Variants in GSTO2 observed in about 807,000 individuals in gnomAD.
GSTO2 encodes glutathione S-transferase omega-2.
In GSTO2, 23 loss-of-function variants were observed where a neutral mutation model predicts 28.4. That is an observed-to-expected ratio of 0.81 (90% CI 0.58 to 1.15). The LOEUF is 1.15. Among genes scored for constraint, GSTO2 ranks in the 50% most tolerant of loss-of-function variants. The probability of loss-of-function intolerance (pLI) is 0.00; values close to 1 mark genes in which losing one functional copy is unlikely to be tolerated. For synonymous variants in GSTO2, 109 were observed against 111.0 expected, an observed-to-expected ratio of 0.98 and a Z score of 0.11; for missense variants, 298 against 297.8, an observed-to-expected ratio of 1.00 and a Z score of 0.00.
intron 5 of GSTO2, chr10:104,295,364 C>G (rs1417594425): frequency 6.6e-6 from 1 of 152,194 alleles, no homozygotes; most frequent in South Asian, 2.1e-4. Context: ...GGGGACTTCT[C>G]TATGCCACAC....
Position 104,277,890 on chromosome 10 carries a change from T to G in GSTO2, c.144-4T>G. On this transcript the variant is annotated splice_region_variant and splice_polypyrimidine_tract_variant and intron_variant, in intron 3 of 6. Coordinates refer to ENST00000338595, the MANE Select transcript of GSTO2 (RefSeq NM_183239.2). The stretch of plus-strand genomic sequence containing the variant: ...TCTGTCTTGTTTTCCTTTTGCTTTT[T>G]AAGACATGAAGTGGTCAACATTAAC... The G allele has an allele frequency of 1.2e-6, 2 of 1,606,514 alleles. No individual in the cohort carries two copies. Among genetic ancestry groups the G allele is most frequent in the Non-Finnish European group, 1.7e-6 (2 of 1,173,410 alleles).
At chr10:104,290,440 G>C (rs1453173342) in intron 5 of GSTO2, among the ~76,000 whole-genome samples, 3 of 151,966 alleles carry the variant, frequency 2.0e-5, no homozygotes, top group Non-Finnish European at 4.4e-5. Context: ...GGGAGGCAGA[G>C]GTTGCAGTGA....
chr10:104,281,985 TG>T (rs2012079031), intron 5 of GSTO2, among the ~76,000 whole-genome samples: 1 of 151,020 alleles, frequency 6.6e-6, no homozygotes, highest in Admixed American at 6.6e-5. Context: ...TGGTAAGAGG[TG>T]AATGTGGAGG....
Position 104,302,542 on chromosome 10 carries a change from A to G in GSTO2, c.*3258A>G, listed in dbSNP as rs1473777761. Reference sequence around the variant, plus strand: ...GCTTGTGTGGCTGGGACAGCTGGCTATGGTCGTGGTGCTGGTGACTAAATG... The same window carrying G: ...GCTTGTGTGGCTGGGACAGCTGGCTGTGGTCGTGGTGCTGGTGACTAAATG... On this transcript the variant is annotated 3_prime_UTR_variant, in exon 7 of 7. Transcript: ENST00000338595. 1.3e-5 allele frequency: 2 copies of G among 152,366 alleles called. No homozygotes were observed. The highest frequency in any genetic ancestry group is 3.9e-4 in the East Asian group (2 of 5,184). 9.4% of individuals were successfully genotyped at this position (152,366 alleles called of 1,614,324 possible).
At position 104,274,953 on chromosome 10, in the gene GSTO2, A is replaced by G. The variant is rs751366273; in HGVS notation, c.34+4A>G. The G allele has an allele frequency of 6.3e-6, 10 of 1,595,442 alleles. No homozygotes were observed. Among genetic ancestry groups the G allele is most frequent in the Non-Finnish European group, 7.7e-6 (9 of 1,174,526 alleles). ...GCGACCAGGACCCTGGGGAAAGGTG[A>G]GTGCTCTCCATGGGGTCCGCGAGCT... On this transcript the variant is annotated splice_donor_region_variant and intron_variant, in intron 2 of 6. Coordinates refer to ENST00000338595, the MANE Select transcript of GSTO2 (RefSeq NM_183239.2).
chr10:104,299,484 CT>C lies in GSTO2; in HGVS notation c.*211del, dbSNP rs960007905. 0.062 allele frequency: 26,951 copies of C among 433,642 alleles called. 12 individuals carry two copies. Among genetic ancestry groups the C allele is most frequent in the South Asian group, 0.096 (2,632 of 27,276 alleles). 26.9% of individuals were successfully genotyped at this position (433,642 alleles called of 1,614,324 possible). A position where few individuals can be genotyped will look rare whatever the true frequency, so the allele number is the denominator to read the frequency against. On this transcript the variant is annotated 3_prime_UTR_variant, in exon 7 of 7. Transcript: ENST00000338595. Reference sequence around the variant, plus strand: ...CTGCTGCTACTGCTGCTTTTTTTTCCTTTTTTTTTTTGAGGCAAGATCTTGC... The same window carrying C: ...CTGCTGCTACTGCTGCTTTTTTTTCCTTTTTTTTTTGAGGCAAGATCTTGC...
Position 104,299,323 on chromosome 10 carries a change from G to C in GSTO2, c.*39G>C. 4 of 1,610,420 alleles carry C rather than the reference G, an allele frequency of 2.5e-6. No individual in the cohort carries two copies. Among genetic ancestry groups the C allele is most frequent in the Non-Finnish European group, 3.4e-6 (4 of 1,178,034 alleles). On this transcript the variant is annotated 3_prime_UTR_variant, in exon 7 of 7. Coordinates refer to ENST00000338595, the MANE Select transcript of GSTO2 (RefSeq NM_183239.2). The stretch of plus-strand genomic sequence containing the variant: ...CCCCTTCGCTGTCCAGAATTCCCCA[G>C]CTTGTTGGGAGTCTACGTCACGGCT...
In GSTO2 at chr10:104,282,332, C is replaced by G. The variant is rs141567832; in HGVS notation, c.468+2861C>G. On this transcript the variant is annotated intron_variant, in intron 5 of 6. Coordinates refer to ENST00000338595, the MANE Select transcript of GSTO2 (RefSeq NM_183239.2). Reference sequence around the variant, plus strand: ...CTTTGAGAAGCCAAGACGGTAGGATCGCTTGAGCCCAGAAGTTTGAGAACA... The same window carrying G: ...CTTTGAGAAGCCAAGACGGTAGGATGGCTTGAGCCCAGAAGTTTGAGAACA... 3.3e-5 allele frequency among the ~76,000 whole-genome samples: 5 copies of G among 151,476 alleles called. No individual in the cohort carries two copies. The East Asian group carries it at 5.8e-4, about 18-fold the overall frequency.
intron 5 of GSTO2, among the ~76,000 whole-genome samples, chr10:104,284,444 A>G (rs2012290987): frequency 6.6e-6 from 1 of 152,152 alleles, no homozygotes; most frequent in South Asian, 2.1e-4. Context: ...TATCTTTTAC[A>G]ATTCTTTGAG....
chr10:104,278,842 T>G (rs2011818941), intron 4 of GSTO2, among the ~76,000 whole-genome samples: 1 of 152,162 alleles, frequency 6.6e-6, no homozygotes, highest in Non-Finnish European at 1.5e-5. Flanking sequence ...AATAGATAAA[T>G]GGTGGCAGCT....
chr10:104,275,202 T>C, intron 2 of GSTO2, 24 bp from the exon 3 acceptor site: 1 of 1,596,696 alleles, frequency 6.3e-7, no homozygotes, highest in Non-Finnish European at 8.5e-7. Context: ...CCTTTCCCTG[T>C]CCCCCTCCAT....
At chr10:104,292,031 TC>T (rs760227698) in intron 5 of GSTO2, among the ~76,000 whole-genome samples, 2 of 152,060 alleles carry the variant, frequency 1.3e-5, no homozygotes, top group African/African-American at 2.4e-5. Context: ...GAGCCTCAGT[TC>T]CCTCCCCTGC....
Position 104,299,409 on chromosome 10 carries a change from A to G in GSTO2, c.*125A>G, listed in dbSNP as rs544116859. The G allele has an allele frequency of 3.2e-3, 3,479 of 1,094,966 alleles. 40 individuals are homozygous for G. Among genetic ancestry groups the G allele is most frequent in the Non-Finnish European group, 2.1e-3 (1,568 of 739,054 alleles). The allele number at this position is 1,094,966 out of a possible 1,614,324, so 67.8% of individuals were successfully genotyped here. ...TTGAAGTTCCCAATAAAATGAAAAC[A>G]GGAAATGTATTCTTCTGATAATCAT... On this transcript the variant is annotated 3_prime_UTR_variant, in exon 7 of 7. Transcript: ENST00000338595.
intron 5 of GSTO2, among the ~76,000 whole-genome samples, chr10:104,285,019 T>C (rs565126265): frequency 6.6e-6 from 1 of 152,288 alleles, no homozygotes; most frequent in African/African-American, 2.4e-5. Context: ...GAAGCCTTCG[T>C]CTGCCCGTGG....
chr10:104,276,963 T>G (rs796334707), intron 3 of GSTO2, among the ~76,000 whole-genome samples: 2 of 152,158 alleles, frequency 1.3e-5, no homozygotes, highest in South Asian at 4.1e-4. Flanking sequence ...ATTAAAAAAG[T>G]TATTGCATGC....
rs2013199702 is a variant in GSTO2, at chr10:104,299,600, T to G, written c.*316T>G. 3.3e-6 allele frequency: 1 copy of G among 302,860 alleles called. No homozygotes were observed. The highest frequency in any genetic ancestry group is 6.2e-6 in the Non-Finnish European group (1 of 161,496). 18.8% of individuals were successfully genotyped at this position (302,860 alleles called of 1,614,324 possible). On this transcript the variant is annotated 3_prime_UTR_variant, in exon 7 of 7. Transcript: ENST00000338595. ...AGTTGATTCTCCCGCCTCAGCCTCC[T>G]GAGAAGCTAGGACTACAGGTATGTG...
intron 5 of GSTO2, among the ~76,000 whole-genome samples, chr10:104,287,198 A>G (rs1359000872): frequency 1.3e-5 from 2 of 152,120 alleles, no homozygotes; most frequent in Non-Finnish European, 2.9e-5. Context: ...GACTACAGGC[A>G]TGTGCCACCA....
At chr10:104,299,052 A>C in intron 6 of GSTO2, 76 bp from the exon 7 acceptor site, 1 of 1,364,258 alleles carries the variant, frequency 7.3e-7, no homozygotes, top group South Asian at 1.6e-5. Flanking sequence ...TATCTTGCAA[A>C]TCTAAAAAGC....
chr10:104,275,412 C>T, intron 3 of GSTO2, 78 bp downstream of exon 3: 1 of 1,330,446 alleles, frequency 7.5e-7, no homozygotes, highest in Non-Finnish European at 1.1e-6. Flanking sequence ...ATCTGGGGCG[C>T]CCTGCTCAGC....
Sources: allele counts gnomAD v4.1 joint callset (sites outside exome capture counted in the v4.1 genomes callset), GRCh38; gene constraint gnomAD v4.1.1; transcripts MANE v1.5; gene names NCBI Gene and HGNC (gene_info 2026-07-23, HGNC 2026-07-21).